The following ITGAL variants were observed in gnomAD, a reference collection of about 807,000 sequenced individuals.
The protein encoded by ITGAL is integrin subunit alpha L.
A neutral mutation model predicts 138.4 loss-of-function variants in ITGAL; 68 were observed. The observed-to-expected ratio is 0.49, with a 90% CI of 0.40 to 0.60. The LOEUF (loss-of-function observed/expected upper bound fraction) is 0.60. Ranked by LOEUF, ITGAL falls within the 20% of genes least tolerant of loss-of-function variation. The pLI, the probability that ITGAL is intolerant of heterozygous loss-of-function variation, is 0.00. For synonymous variants in ITGAL, 561 were observed against 584.3 expected, an observed-to-expected ratio of 0.96 and a Z score of 0.57; for missense variants, 1,256 against 1,478.6, an observed-to-expected ratio of 0.85 and a Z score of 2.47.
At chr16:30,511,725 C>T (rs972497537) in intron 24 of ITGAL, among the ~76,000 whole-genome samples, 3 of 152,222 alleles carry the variant, frequency 2.0e-5, no homozygotes, top group Non-Finnish European at 4.4e-5. Flanking sequence ...AGAGCCCAAA[C>T]TCATGCACAC....
intron 2 of ITGAL, among the ~76,000 whole-genome samples, chr16:30,474,874 T>TG (rs2050446902): frequency 6.7e-6 from 1 of 149,430 alleles, no homozygotes; most frequent in Non-Finnish European, 1.5e-5. Flanking sequence ...TTTTTTTTTT[T>TG]GAGAGGGAGT....
intron 14 of ITGAL, 59 bp downstream of exon 14, chr16:30,496,353 C>G: frequency 6.2e-7 from 1 of 1,608,808 alleles, no homozygotes; most frequent in South Asian, 1.1e-5. Flanking sequence ...CCCCCAAGCC[C>G]AGACCCCACT....
chr16:30,476,341 A>G (rs1338155143), intron 4 of ITGAL, among the ~76,000 whole-genome samples: 1 of 152,040 alleles, frequency 6.6e-6, no homozygotes, highest in Non-Finnish European at 1.5e-5. Context: ...AGCTATTTTC[A>G]ATAACTTAAC....
chr16:30,501,766 A>G (rs2050902552), intron 17 of ITGAL, among the ~76,000 whole-genome samples: 1 of 152,082 alleles, frequency 6.6e-6, no homozygotes, highest in Admixed American at 6.6e-5. Context: ...CAGGCCAGGC[A>G]CGGTGGCTCA....
At chr16:30,504,484 C>G (rs2050953491) in intron 18 of ITGAL, among the ~76,000 whole-genome samples, 1 of 152,034 alleles carries the variant, frequency 6.6e-6, no homozygotes, top group South Asian at 2.1e-4. Flanking sequence ...TGATGGTGCA[C>G]TTGAGGCCAG....
chr16:30,504,351 C>G, intron 18 of ITGAL, 87 bp downstream of exon 18: 4 of 996,150 alleles, frequency 4.0e-6, no homozygotes, highest in Non-Finnish European at 6.4e-6. Flanking sequence ...GCAGCACACT[C>G]CTATAATCCC....
chr16:30,504,201 C>G lies in ITGAL; in HGVS notation c.2172C>G (p.Pro724=). 2 of 1,613,660 alleles carry G rather than the reference C, an allele frequency of 1.2e-6. No individual in the cohort carries two copies. The highest frequency in any genetic ancestry group is 1.7e-6 in the Non-Finnish European group (2 of 1,179,616). Residue 724 remains proline, a synonymous_variant, in exon 18 of 31, where the codon CCC becomes CCG. Transcript: ENST00000356798. The part of the protein sequence containing the change: ...FPVCVQDLIS[P]INVSLNFSLW... ...TATGTGTTCAAGACCTCATCTCCCC[C>G]ATCAATGTTTCCCTGAATTTCTCTC...
At position 30,494,738 on chromosome 16, in the gene ITGAL, T is replaced by C. The variant is rs753302369; in HGVS notation, c.1391T>C (p.Leu464Pro). 2 of 1,611,928 alleles carry C rather than the reference T, an allele frequency of 1.2e-6. No individual in the cohort carries two copies. The highest frequency in any genetic ancestry group is 1.7e-6 in the Non-Finnish European group (2 of 1,178,804). Residue 464 changes from leucine to proline, a missense_variant, in exon 13 of 31, where the codon CTG becomes CCG. This residue lies in a region of ITGAL where 867 missense variants were observed against 972.5 expected (regional missense o/e 0.89). Coordinates refer to ENST00000356798, the MANE Select transcript of ITGAL (RefSeq NM_002209.3). The surrounding 1 kb of genome is among the most constrained non-coding windows in gnomAD (Gnocchi z 4.2). ...TQIGSYFGGELCGVDVDQDGE... is the reference protein window; with the variant it reads ...TQIGSYFGGEPCGVDVDQDGE... ...ATTGGCTCTTATTTCGGTGGGGAGC[T>C]GTGTGGCGTCGACGTGGACCAAGAT... is the stretch of plus-strand genomic sequence containing the variant.
Position 30,498,189 on chromosome 16 carries a change from G to A in ITGAL, c.1833-885G>A, listed in dbSNP as rs963183209. ...AAAATACAAAAATTAGCTGGGCATG[G>A]TGGCATGCGCCTGTAATCCCAGCTA... is the stretch of plus-strand genomic sequence containing the variant. On this transcript the variant is annotated intron_variant, in intron 15 of 30. Coordinates refer to ENST00000356798, the MANE Select transcript of ITGAL (RefSeq NM_002209.3). Among the ~76,000 whole-genome samples the A allele has an allele frequency of 9.9e-5, 15 of 151,374 alleles. No homozygotes were observed. In the East Asian group the frequency reaches 1.4e-3, roughly 14 times the overall value.
intron 13 of ITGAL, among the ~76,000 whole-genome samples, chr16:30,495,782 G>A (rs998381279): frequency 6.6e-6 from 1 of 152,130 alleles, no homozygotes; most frequent in Non-Finnish European, 1.5e-5. Context: ...CCAGGAGTTC[G>A]AGGCTGTAGT....
At position 30,519,890 on chromosome 16, in the gene ITGAL, C is replaced by G. The variant is rs1416431038; in HGVS notation, c.3262C>G (p.Gln1088Glu). The change falls in exon 30 of 31, where the codon CAG becomes GAG. Residue 1088 changes from glutamine (Q) to glutamate (E), a missense_variant. This residue lies in a region of ITGAL where 867 missense variants were observed against 972.5 expected (regional missense o/e 0.89). Transcript: ENST00000356798. Reference protein sequence around the residue: ...VMKVDVVYEKQMLYLYVLSGI... With the variant: ...VMKVDVVYEKEMLYLYVLSGI... ...GAAGGTTGACGTGGTGTATGAGAAG[C>G]AGATGCTCTACCTCTACGTGCTGAG... The G allele has an allele frequency of 2.5e-6, 4 of 1,613,742 alleles. No individual in the cohort carries two copies. Among genetic ancestry groups the G allele is most frequent in the South Asian group, 1.1e-5 (1 of 91,074 alleles).
In ITGAL at chr16:30,517,870, C is replaced by T. The variant is rs1297387462; in HGVS notation, c.3107C>T (p.Thr1036Ile). The change falls in exon 28 of 31, where the codon ACT becomes ATT. Residue 1036 changes from threonine (T) to isoleucine (I), a missense_variant. Thr to Ile is a moderately conservative substitution (Grantham distance 89, BLOSUM62 -1). Coordinates refer to ENST00000356798, the MANE Select transcript of ITGAL (RefSeq NM_002209.3). ...GAGATCCTCGTCCAAGTGATCGGGA[C>T]TCTGGAGCTGGTGGGAGAGATCGAG... ...RQEILVQVIG[T>I]LELVGEIEAS... 2 of 1,614,126 alleles carry T rather than the reference C, an allele frequency of 1.2e-6. No individual in the cohort carries two copies. The highest frequency in any genetic ancestry group is 3.3e-5 in the Admixed American group (2 of 60,006).
chr16:30,515,387 C>T (rs529239589), intron 25 of ITGAL, among the ~76,000 whole-genome samples: 6 of 152,276 alleles, frequency 3.9e-5, no homozygotes, highest in Middle Eastern at 3.4e-3. Context: ...GGCCATGACC[C>T]GCCTCTCCCA....
Position 30,504,260 on chromosome 16 carries a change from G to C in ITGAL, c.2231G>C (p.Arg744Thr). 6.2e-7 allele frequency: 1 copy of C among 1,610,980 alleles called. No individual in the cohort carries two copies. Among genetic ancestry groups the C allele is most frequent in the Non-Finnish European group, 8.5e-7 (1 of 1,177,202 alleles). Residue 744 changes from arginine (R) to threonine (T), a missense_variant, in exon 18 of 31, where the codon AGG (arginine) becomes ACG (threonine). Arg to Thr is a moderately conservative substitution (Grantham distance 71). Transcript: ENST00000356798. The stretch of plus-strand genomic sequence containing the variant: ...GAGGAAGGGACACCGAGGGACCAAA[G>C]GGCGGTAAGAAGAGATGGCTAGGGA... ...WEEEGTPRDQ[R>T]AQGKDIPPIL...
chr16:30,484,514 G>T (rs539679254), intron 9 of ITGAL, among the ~76,000 whole-genome samples: 1 of 151,738 alleles, frequency 6.6e-6, no homozygotes, highest in Non-Finnish European at 1.5e-5. Context: ...AGGCTGAGGC[G>T]CAAGAATCGC....
At chr16:30,510,321 C>G (rs1417144164) in intron 21 of ITGAL, 40 bp from the exon 22 acceptor site, 15 of 1,259,062 alleles carry the variant, frequency 1.2e-5, no homozygotes, top group Non-Finnish European at 1.8e-5. Flanking sequence ...GAAACTTGGC[C>G]TTGCTCATTA....
intron 9 of ITGAL, chr16:30,488,858 C>T: frequency 1.9e-6 from 1 of 528,564 alleles, no homozygotes; most frequent in Non-Finnish European, 3.5e-6. Context: ...ACCTGGGCAA[C>T]AGAGCAAGAC....
intron 11 of ITGAL, among the ~76,000 whole-genome samples, chr16:30,491,651 C>T (rs1222315464): frequency 1.3e-5 from 2 of 151,094 alleles, no homozygotes; most frequent in Non-Finnish European, 3.0e-5. Flanking sequence ...TTTCTTTAGA[C>T]ATAGGGTCTC....
intron 9 of ITGAL, chr16:30,488,798 G>A (rs2050683187): frequency 2.3e-6 from 1 of 428,570 alleles, no homozygotes; most frequent in African/African-American, 2.0e-5. Flanking sequence ...GGTTGCTTGA[G>A]CTTGGGTGGT....
Sources: gnomAD v4.1 joint callset for allele counts (sites outside exome capture counted in the v4.1 genomes callset) on GRCh38, gnomAD v4.1.1 for gene constraint, gnomAD v4.1.1 regional missense constraint, Gnocchi (gnomAD v3.1) non-coding constraint, MANE v1.5 for transcripts, NCBI Gene and HGNC (gene_info 2026-07-23, HGNC 2026-07-21) for gene names.